Variants in IQSEC1 observed in about 807,000 individuals in gnomAD.
IQSEC1 encodes the protein IQ motif and SEC7 domain-containing protein 1.
A neutral mutation model predicts 91.0 loss-of-function variants in IQSEC1; 31 were observed. The observed-to-expected ratio is 0.34, with a 90% CI of 0.26 to 0.46. The LOEUF is 0.46. Ranked by LOEUF, IQSEC1 falls within the 20% of genes least tolerant of loss-of-function variation. The pLI is 1.00. For missense variants in IQSEC1, 1,388 were observed against 1,575.6 expected (o/e 0.88, Z 2.02); for synonymous variants, 699 against 662.6 (o/e 1.05, Z -0.84).
chr3:12,901,610 A>G, intron 13 of IQSEC1, 88 bp from the exon 14 acceptor site: 1 of 1,112,720 alleles, frequency 9.0e-7, no homozygotes, highest in Non-Finnish European at 1.3e-6. Context: ...GTAAAAATTC[A>G]CCCACTGACT....
chr3:13,156,209 G>A (rs1402855198), intron 2 of IQSEC1, among the ~76,000 whole-genome samples: 1 of 152,050 alleles, frequency 6.6e-6, no homozygotes, highest in African/African-American at 2.4e-5. Context: ...TCTAGCCTAG[G>A]TGATAGAGCG....
At chr3:13,247,325 AC>A (rs1465821787) in intron 1 of IQSEC1, among the ~76,000 whole-genome samples, 1 of 152,080 alleles carries the variant, frequency 6.6e-6, no homozygotes, top group Non-Finnish European at 1.5e-5. Flanking sequence ...TCATAACATG[AC>A]AATCTGAAAG....
intron 1 of IQSEC1, among the ~76,000 whole-genome samples, chr3:12,969,551 A>G (rs1700795159): frequency 6.6e-6 from 1 of 152,232 alleles, no homozygotes; most frequent in Non-Finnish European, 1.5e-5. Flanking sequence ...TAGGGTACAC[A>G]TGACCCAGTT....
chr3:13,150,119 T>A (rs1370901355), intron 2 of IQSEC1, among the ~76,000 whole-genome samples: 2 of 152,200 alleles, frequency 1.3e-5, no homozygotes, highest in African/African-American at 4.8e-5. Context: ...TGAGACACTT[T>A]AGAGACACGA....
intron 6 of IQSEC1, among the ~76,000 whole-genome samples, chr3:12,916,400 A>G (rs1696097000): frequency 6.6e-6 from 1 of 152,190 alleles, no homozygotes; most frequent in Admixed American, 6.5e-5. Context: ...CCACAAGCAC[A>G]CACTGCTTCT....
At chr3:13,222,076 C>T (rs1283480368) in intron 1 of IQSEC1, among the ~76,000 whole-genome samples, 2 of 152,166 alleles carry the variant, frequency 1.3e-5, no homozygotes, top group African/African-American at 2.4e-5. Context: ...GCGCACACTT[C>T]AGTGGCATTA....
In IQSEC1 at chr3:13,007,400, A is replaced by G. The variant is rs1015167926; in HGVS notation, c.24-65535T>C. 3.3e-5 allele frequency among the ~76,000 whole-genome samples: 5 copies of G among 152,092 alleles called. No individual in the cohort carries two copies. In the East Asian group the frequency reaches 9.7e-4, roughly 29 times the overall value. On this transcript the variant is annotated intron_variant, in intron 1 of 13. Transcript: ENST00000613206. Reference sequence around the variant, plus strand: ...TGTGGGCCCAGCTGCCCCTGGGAGGAGGGCAGAGGCCAGCCTGGCTCTCTA... The same window carrying G: ...TGTGGGCCCAGCTGCCCCTGGGAGGGGGGCAGAGGCCAGCCTGGCTCTCTA...
chr3:13,251,713 T>C (rs1695196464), intron 1 of IQSEC1, among the ~76,000 whole-genome samples: 1 of 152,202 alleles, frequency 6.6e-6, no homozygotes, highest in South Asian at 2.1e-4. Flanking sequence ...TATGAGACTC[T>C]GTTCCATTCA....
At chr3:13,116,704 C>CTG (rs1706341290) in intron 2 of IQSEC1, among the ~76,000 whole-genome samples, 1 of 152,110 alleles carries the variant, frequency 6.6e-6, no homozygotes. Flanking sequence ...AGTTCAAGAC[C>CTG]AGCCTGGCCA....
At chr3:13,102,784 A>G (rs1446493080) in intron 2 of IQSEC1, among the ~76,000 whole-genome samples, 1 of 152,042 alleles carries the variant, frequency 6.6e-6, no homozygotes, top group Non-Finnish European at 1.5e-5. Context: ...GCTTGCCACT[A>G]AAATGTAAGC....
chr3:13,006,389 G>C (rs908951326), intron 1 of IQSEC1, among the ~76,000 whole-genome samples: 1 of 152,182 alleles, frequency 6.6e-6, no homozygotes, highest in Non-Finnish European at 1.5e-5. Context: ...CTGCCATTGT[G>C]GGGGCCATGT....
At chr3:13,173,884 C>T (rs189671647) in intron 1 of IQSEC1, among the ~76,000 whole-genome samples, 286 of 152,318 alleles carry the variant, frequency 1.9e-3, no homozygotes, top group African/African-American at 6.3e-3. Context: ...ATCAGGAACT[C>T]GGAGTGAGCC....
At chr3:13,056,103 A>T (rs897888497) in intron 1 of IQSEC1, among the ~76,000 whole-genome samples, 4 of 152,098 alleles carry the variant, frequency 2.6e-5, no homozygotes, top group Non-Finnish European at 5.9e-5. Context: ...CCTGGGTGGG[A>T]TCAAGGCCTC....
rs571518140 is a variant in IQSEC1 at position 13,207,989 on chromosome 3, G to T, written c.273-43856C>A. 6.6e-6 allele frequency among the ~76,000 whole-genome samples: 1 copy of T among 152,122 alleles called. No homozygotes were observed. The highest frequency in any genetic ancestry group is 2.1e-4 in the South Asian group (1 of 4,808). Reference sequence around the variant, plus strand: ...CTCAACAAATGCATCTTGAATGAACGAATAAATCACTGTATGTTTCTATCA... The same window carrying T: ...CTCAACAAATGCATCTTGAATGAACTAATAAATCACTGTATGTTTCTATCA... On this transcript the variant is annotated intron_variant, in intron 1 of 15. Transcript: ENST00000648114. This position sits in a 1 kb window ranked among gnomAD's most constrained non-coding sequence, Gnocchi z 4.8.
At chr3:12,946,990 A>G (rs1699221806) in intron 1 of IQSEC1, among the ~76,000 whole-genome samples, 1 of 152,114 alleles carries the variant, frequency 6.6e-6, no homozygotes, top group South Asian at 2.1e-4. Flanking sequence ...CCAACACAGC[A>G]CTCCATACAA....
chr3:13,071,494 G>A (rs13065418), intron 1 of IQSEC1, among the ~76,000 whole-genome samples: 3 of 152,018 alleles, frequency 2.0e-5, no homozygotes, highest in African/African-American at 7.3e-5. Flanking sequence ...CAAAGGTGTG[G>A]CAGGGAGGAG....
chr3:13,250,602 A>G (rs1392672809), intron 1 of IQSEC1, among the ~76,000 whole-genome samples: 1 of 128,508 alleles, frequency 7.8e-6, no homozygotes, highest in Non-Finnish European at 1.6e-5. Flanking sequence ...TCACCCAGAT[A>G]ATTTATTTTA....
intron 1 of IQSEC1, among the ~76,000 whole-genome samples, chr3:13,055,758 G>A (rs1196742690): frequency 6.6e-6 from 1 of 152,222 alleles, no homozygotes; most frequent in Non-Finnish European, 1.5e-5. Context: ...ACTGGGCCAA[G>A]GTCACAGAGG....
intron 1 of IQSEC1, among the ~76,000 whole-genome samples, chr3:12,942,910 G>A (rs1698887015): frequency 1.3e-5 from 2 of 152,238 alleles, no homozygotes; most frequent in Non-Finnish European, 2.9e-5. Flanking sequence ...AAGGAGAGGG[G>A]CCATGGGGGA....
Sources: gnomAD v4.1 joint callset for allele counts (sites outside exome capture counted in the v4.1 genomes callset) on GRCh38, gnomAD v4.1.1 for gene constraint, Gnocchi (gnomAD v3.1) non-coding constraint, MANE v1.5 for transcripts, NCBI Gene and HGNC (gene_info 2026-07-23, HGNC 2026-07-21) for gene names.